Variants in PTPRD observed in about 807,000 individuals in gnomAD.
PTPRD encodes receptor-type tyrosine-protein phosphatase delta.
PTPRD carries 34 observed loss-of-function variants against 214.5 expected under a neutral mutation model. The observed-to-expected ratio is 0.16, with a 90% CI of 0.12 to 0.21. The LOEUF (loss-of-function observed/expected upper bound fraction) is 0.21. Among genes scored for constraint, PTPRD ranks in the 10% least tolerant of loss-of-function variants. PTPRD has a pLI of 1.00. For synonymous variants in PTPRD, 1,128 were observed against 845.7 expected (o/e 1.33, Z -5.79); for missense variants, 2,545 against 2,398.7 (o/e 1.06, Z -1.27).
At chr9:9,855,366 G>A (rs2061351951) in intron 5 of PTPRD, among the ~76,000 whole-genome samples, 1 of 152,084 alleles carries the variant, frequency 6.6e-6, no homozygotes, top group Non-Finnish European at 1.5e-5. Flanking sequence ...AAAACAAAGG[G>A]GAGGAGCTCC....
intron 34 of PTPRD, chr9:8,437,065 A>T (rs2095380909): frequency 1.5e-6 from 1 of 673,820 alleles, no homozygotes; most frequent in Non-Finnish European, 2.4e-6. Context: ...GCACTGTGTG[A>T]AATGGAAATT....
intron 5 of PTPRD, among the ~76,000 whole-genome samples, chr9:9,879,684 T>C (rs2068022648): frequency 6.6e-6 from 1 of 152,136 alleles, no homozygotes; most frequent in Non-Finnish European, 1.5e-5. Context: ...GTTTTTTGAT[T>C]TAGAGAACAG....
At chr9:9,823,041 C>G (rs1186774533) in intron 5 of PTPRD, among the ~76,000 whole-genome samples, 2 of 152,200 alleles carry the variant, frequency 1.3e-5, no homozygotes, top group East Asian at 1.9e-4. Context: ...GCACTATTCA[C>G]AATAGCCAAT....
At chr9:9,392,416 T>C (rs377273292) in intron 9 of PTPRD, among the ~76,000 whole-genome samples, 16 of 152,284 alleles carry the variant, frequency 1.1e-4, no homozygotes, top group African/African-American at 3.6e-4. Context: ...CTTTTCTGCA[T>C]ATTTGGGTTT....
chr9:9,962,438 C>T (rs1476599235), intron 4 of PTPRD, among the ~76,000 whole-genome samples: 3 of 152,034 alleles, frequency 2.0e-5, no homozygotes, highest in African/African-American at 7.2e-5. Context: ...ATTAGAATAT[C>T]TGTTGAACAT....
intron 5 of PTPRD, among the ~76,000 whole-genome samples, chr9:9,789,165 C>T (rs1384238371): frequency 1.3e-5 from 2 of 152,104 alleles, no homozygotes; most frequent in African/African-American, 4.8e-5. Context: ...TATTTGTATG[C>T]CTATATATTT....
rs543355023 is a variant in PTPRD, at chr9:10,032,522, G to A, written c.-472+1196C>T. Among the ~76,000 whole-genome samples, 250 of 152,166 alleles carry A rather than the reference G, an allele frequency of 1.6e-3. 1 individual carries two copies. The highest frequency in any genetic ancestry group is 5.8e-3 in the African/African-American group (240 of 41,516). ...ACAGTAATATTCAGATGAGATCCCTGGGGACTCTTCTATGTCTCCTCAAAC... is the reference window on the plus strand; with the variant it reads ...ACAGTAATATTCAGATGAGATCCCTAGGGACTCTTCTATGTCTCCTCAAAC... On this transcript the variant is annotated intron_variant, in intron 4 of 45. Coordinates refer to ENST00000381196, the MANE Select transcript of PTPRD (RefSeq NM_002839.4).
At chr9:8,917,999 G>C (rs2098798570) in intron 11 of PTPRD, among the ~76,000 whole-genome samples, 1 of 152,136 alleles carries the variant, frequency 6.6e-6, no homozygotes. Context: ...GAGACATTAA[G>C]GGGGATTTCG....
chr9:9,439,027 T>C (rs2086446991), intron 8 of PTPRD, among the ~76,000 whole-genome samples: 1 of 152,158 alleles, frequency 6.6e-6, no homozygotes, highest in Non-Finnish European at 1.5e-5. Context: ...AAGTAATATT[T>C]CTGTGCAATG....
At position 9,569,037 on chromosome 9, in the gene PTPRD, C is replaced by T. The variant is rs1019977334; in HGVS notation, c.-237+5695G>A. ...CTGGGGAAAGTCAGTTGAGAAAATG[C>T]ACTATGCCCACTTTCTCATTTTGCT... On this transcript the variant is annotated intron_variant, in intron 8 of 45. Coordinates refer to ENST00000381196, the MANE Select transcript of PTPRD (RefSeq NM_002839.4). Among the ~76,000 whole-genome samples the T allele has an allele frequency of 5.3e-5, 8 of 151,656 alleles. 1 individual carries two copies. The highest frequency in any genetic ancestry group is 2.6e-4 in the Admixed American group (4 of 15,170).
intron 11 of PTPRD, among the ~76,000 whole-genome samples, chr9:8,915,781 G>A (rs569359597): frequency 3.9e-5 from 6 of 152,286 alleles, no homozygotes; most frequent in African/African-American, 1.4e-4. Context: ...GCTTTCAAGT[G>A]ATTGGATGAG....
Position 10,050,559 on chromosome 9 carries a change from C to CAAAAAAAAAAA in PTPRD, c.-544-16780_-544-16770dup, listed in dbSNP as rs1164243746. The stretch of plus-strand genomic sequence containing the variant: ...TGGGCAATAAAGAGAGAGTCTGTCT[C>CAAAAAAAAAAA]AAAAAAAAAAAAAAAAAAAAAAAAA... On this transcript the variant is annotated intron_variant, in intron 3 of 45. Transcript: ENST00000381196. 3.4e-3 allele frequency among the ~76,000 whole-genome samples: 48 copies of CAAAAAAAAAAA among 13,990 alleles called. 6 individuals are homozygous for CAAAAAAAAAAA. The highest frequency in any genetic ancestry group is 0.011 in the East Asian group (4 of 370). The allele number at this position is 13,990 out of a possible 152,430, so 9.2% of individuals were successfully genotyped here.
At chr9:10,600,405 C>T (rs974693302) in intron 2 of PTPRD, among the ~76,000 whole-genome samples, 2 of 151,674 alleles carry the variant, frequency 1.3e-5, no homozygotes, top group Non-Finnish European at 2.9e-5. Context: ...AGAAAGTACA[C>T]CCAATTTCTT....
intron 8 of PTPRD, among the ~76,000 whole-genome samples, chr9:9,564,634 C>T (rs997645625): frequency 6.6e-6 from 1 of 151,844 alleles, no homozygotes; most frequent in African/African-American, 2.4e-5. Flanking sequence ...TCTTCGAATC[C>T]TGGGGTACAT....
chr9:10,440,490 A>G, intron 2 of PTPRD, among the ~76,000 whole-genome samples: 1 of 151,760 alleles, frequency 6.6e-6, no homozygotes, highest in Non-Finnish European at 1.5e-5. Flanking sequence ...GGTGGTCTGG[A>G]GATTTGAGTG....
At chr9:8,877,031 C>T (rs1486173389) in intron 11 of PTPRD, among the ~76,000 whole-genome samples, 1 of 151,776 alleles carries the variant, frequency 6.6e-6, no homozygotes. Flanking sequence ...GGTTCAAGTG[C>T]TTCTCCTGCC....
At chr9:9,536,874 T>C (rs994132600) in intron 8 of PTPRD, among the ~76,000 whole-genome samples, 5 of 152,056 alleles carry the variant, frequency 3.3e-5, no homozygotes. Context: ...AGAGAAAAGT[T>C]TGGCATATCC....
intron 2 of PTPRD, among the ~76,000 whole-genome samples, chr9:10,561,477 T>A: frequency 6.6e-6 from 1 of 152,150 alleles, no homozygotes; most frequent in East Asian, 1.9e-4. Context: ...ACTTATCATC[T>A]TTACACCCCT....
intron 2 of PTPRD, among the ~76,000 whole-genome samples, chr9:10,360,953 T>G (rs1380956785): frequency 1.3e-5 from 2 of 151,954 alleles, no homozygotes; most frequent in Non-Finnish European, 2.9e-5. Context: ...ATACAAAAAA[T>G]TAGCCGGGCG....
Sources: allele counts gnomAD v4.1 joint callset (sites outside exome capture counted in the v4.1 genomes callset), GRCh38; gene constraint gnomAD v4.1.1; transcripts MANE v1.5; gene names NCBI Gene and HGNC (gene_info 2026-07-23, HGNC 2026-07-21).